FOCAD: variants seen among roughly 807,000 people sequenced by gnomAD.
FOCAD encodes KIAA1797.
FOCAD carries 198 observed loss-of-function variants against 225.6 expected under a neutral mutation model. The ratio of observed to expected loss-of-function variants is 0.88; its 90% confidence interval spans 0.78 to 0.99. The LOEUF is 0.99. Among genes scored for constraint, FOCAD ranks in the 50% least tolerant of loss-of-function variants. FOCAD has a pLI of 0.00. For missense variants in FOCAD, 2,713 were observed against 2,123.6 expected, an observed-to-expected ratio of 1.28 and a Z score of -5.46; for synonymous variants, 897 against 755.0, an observed-to-expected ratio of 1.19 and a Z score of -3.08.
Position 20,978,393 on chromosome 9 carries a change from C to T in FOCAD, c.4316C>T (p.Ser1439Phe), listed in dbSNP as rs773509020. 2 of 1,612,130 alleles carry T rather than the reference C, an allele frequency of 1.2e-6. No homozygotes were observed. Among genetic ancestry groups the T allele is most frequent in the South Asian group, 1.1e-5 (1 of 90,698 alleles). Residue 1439 changes from serine to phenylalanine, a missense_variant, in exon 37 of 44, where the codon TCC (serine) becomes TTC (phenylalanine). Physicochemically the swap from Ser to Phe is radical, Grantham distance 155. Coordinates refer to ENST00000338382, the MANE Select transcript of FOCAD (RefSeq NM_001375567.1). Reference sequence around the variant, plus strand: ...ATTATGGTGACCCAGGCACAGTCATCCCAGAATGCAGCTGCACTATTGGGC... The same window carrying T: ...ATTATGGTGACCCAGGCACAGTCATTCCAGAATGCAGCTGCACTATTGGGC... ...LEIMVTQAQS[S>F]QNAAALLGLW...
chr9:20,854,070 A>G (rs2131637078), intron 15 of FOCAD, among the ~76,000 whole-genome samples: 1 of 151,878 alleles, frequency 6.6e-6, no homozygotes, highest in African/African-American at 2.4e-5. Flanking sequence ...TGCCTTCATT[A>G]TGAAAAGGGC....
intron 2 of FOCAD, among the ~76,000 whole-genome samples, chr9:20,675,549 A>T (rs1822207172): frequency 6.6e-6 from 1 of 152,202 alleles, no homozygotes; most frequent in South Asian, 2.1e-4. Context: ...AAATGTGAAA[A>T]TTTACAATGG....
intron 10 of FOCAD, among the ~76,000 whole-genome samples, chr9:20,788,255 A>G (rs2131166889): frequency 6.6e-6 from 1 of 152,342 alleles, no homozygotes; most frequent in East Asian, 1.9e-4. Context: ...TGAAATGACC[A>G]GTATGGAACC....
At chr9:20,746,128 C>T (rs1828015619) in intron 5 of FOCAD, among the ~76,000 whole-genome samples, 1 of 152,158 alleles carries the variant, frequency 6.6e-6, no homozygotes. Flanking sequence ...TGCGCAAAGA[C>T]CAGTGTGTGG....
chr9:20,934,692 C>G (rs1835793463), intron 28 of FOCAD, among the ~76,000 whole-genome samples: 1 of 152,044 alleles, frequency 6.6e-6, no homozygotes, highest in Non-Finnish European at 1.5e-5. Flanking sequence ...CAGATTTGTT[C>G]TTTTTGCCTA....
At chr9:20,914,964 A>G (rs1833752049) in intron 23 of FOCAD, among the ~76,000 whole-genome samples, 1 of 152,216 alleles carries the variant, frequency 6.6e-6, no homozygotes, top group African/African-American at 2.4e-5. Flanking sequence ...AATGCTAATA[A>G]TTGAAATGAA....
chr9:20,849,335 T>G (rs1827424909), intron 15 of FOCAD, among the ~76,000 whole-genome samples: 1 of 151,804 alleles, frequency 6.6e-6, no homozygotes, highest in African/African-American at 2.4e-5. Flanking sequence ...CCATCTATCC[T>G]CTCCTTTCCC....
intron 10 of FOCAD, among the ~76,000 whole-genome samples, chr9:20,784,247 G>A (rs1016490822): frequency 2.0e-5 from 3 of 152,208 alleles, no homozygotes; most frequent in African/African-American, 7.2e-5. Context: ...TAGCAGCCAT[G>A]GTAGGAGGAA....
chr9:20,952,308 C>T (rs1453006890), intron 34 of FOCAD: 1 of 152,262 alleles, frequency 6.6e-6, no homozygotes, highest in Non-Finnish European at 1.5e-5. Flanking sequence ...TGGAAAAGTA[C>T]AGCTACTTGT....
chr9:20,885,146 G>A lies in FOCAD; in HGVS notation c.2541G>A (p.Gln847=). The A allele has an allele frequency of 1.3e-6, 2 of 1,538,740 alleles. No individual in the cohort carries two copies. The highest frequency in any genetic ancestry group is 1.4e-5 in the African/African-American group (1 of 72,316). ...MLFCYDVSMY[Q]SKDGKPLNRL... ...TTTGCTATGATGTTTCCATGTATCA[G>A]AGTAAAGATGGAAAACCATTGAACA... Residue 847 remains glutamine, a synonymous_variant, in exon 21 of 44, where the codon CAG becomes CAA. Transcript: ENST00000338382.
intron 11 of FOCAD, among the ~76,000 whole-genome samples, chr9:20,810,606 A>G (rs947431743): frequency 6.6e-6 from 1 of 152,142 alleles, no homozygotes; most frequent in East Asian, 1.9e-4. Flanking sequence ...AATGGATATA[A>G]CTGTTGATTA....
At chr9:20,691,195 G>A (rs558048319) in intron 1 of FOCAD, among the ~76,000 whole-genome samples, 18 of 152,030 alleles carry the variant, frequency 1.2e-4, no homozygotes, top group African/African-American at 4.1e-4. Context: ...CACCTGCCTT[G>A]GCCTCCCAAA....
chr9:20,851,231 T>TG (rs768485650), intron 15 of FOCAD, among the ~76,000 whole-genome samples: 11 of 140,974 alleles, frequency 7.8e-5, no homozygotes, highest in South Asian at 2.3e-4. Flanking sequence ...TTTCGTGGGG[T>TG]GGGGGGGTGT....
At chr9:20,736,233 T>A (rs545517676) in intron 4 of FOCAD, among the ~76,000 whole-genome samples, 18 of 152,228 alleles carry the variant, frequency 1.2e-4, no homozygotes, top group East Asian at 7.7e-4. Flanking sequence ...GGATTTTTTT[T>A]ATCCTTTGAG....
chr9:20,763,513 T>C (rs1034400400), intron 6 of FOCAD, among the ~76,000 whole-genome samples: 2 of 152,150 alleles, frequency 1.3e-5, no homozygotes, highest in Non-Finnish European at 2.9e-5. Context: ...TAAAAGCACA[T>C]CTGATGTGAT....
At chr9:20,782,825 ATTAG>A in intron 10 of FOCAD, among the ~76,000 whole-genome samples, 1 of 152,336 alleles carries the variant, frequency 6.6e-6, no homozygotes, top group East Asian at 1.9e-4. Flanking sequence ...TCCAGTCATT[ATTAG>A]TTCTTGTTTG....
chr9:20,957,138 A>C (rs1838228244), intron 35 of FOCAD, among the ~76,000 whole-genome samples: 1 of 152,150 alleles, frequency 6.6e-6, no homozygotes, highest in Non-Finnish European at 1.5e-5. Context: ...ATCATGGCTT[A>C]CTGCAACTTC....
intron 11 of FOCAD, among the ~76,000 whole-genome samples, chr9:20,816,337 C>G (rs988811686): frequency 1.4e-4 from 22 of 152,112 alleles, no homozygotes; most frequent in African/African-American, 5.3e-4. Flanking sequence ...GCGTTGAGAT[C>G]ACTGTAAGCC....
chr9:20,705,945 TTTTTTTTTA>T (rs1824350672), intron 1 of FOCAD, among the ~76,000 whole-genome samples: 1 of 146,200 alleles, frequency 6.8e-6, no homozygotes, highest in African/African-American at 2.5e-5. Flanking sequence ...TTTTTTTTTT[TTTTTTTTTA>T]AACAGTGGCT....
Sources: gnomAD v4.1 joint callset for allele counts (sites outside exome capture counted in the v4.1 genomes callset) on GRCh38, gnomAD v4.1.1 for gene constraint, MANE v1.5 for transcripts, NCBI Gene and HGNC (gene_info 2026-07-23, HGNC 2026-07-21) for gene names.